Variants in RORA observed in about 807,000 individuals in gnomAD.
RORA encodes nuclear receptor ROR-alpha.
Under a neutral mutation model 69.5 loss-of-function variants are expected in RORA, and 7 were observed. The observed-to-expected ratio is 0.10, with a 90% CI of 0.06 to 0.19. The LOEUF (loss-of-function observed/expected upper bound fraction) is 0.19, where lower values mean the gene tolerates loss of function less well. RORA is among the 10% of genes least tolerant of loss of function. RORA has a pLI of 1.00. For missense variants in RORA, 457 were observed against 663.0 expected (o/e 0.69, Z 3.41); for synonymous variants, 261 against 240.8 (o/e 1.08, Z -0.78).
At chr15:60,950,011 G>C (rs1893034280) in intron 1 of RORA, among the ~76,000 whole-genome samples, 1 of 151,872 alleles carries the variant, frequency 6.6e-6, no homozygotes. Context: ...TTGAAATGAA[G>C]GAAAAAATGT....
chr15:60,704,311 G>A (rs1193042260), intron 1 of RORA, among the ~76,000 whole-genome samples: 1 of 152,248 alleles, frequency 6.6e-6, no homozygotes. Flanking sequence ...GTTGCAAGGA[G>A]AGAAGGGTGT....
At position 61,140,816 on chromosome 15, in the gene RORA, C is replaced by A. The variant is rs142639721; in HGVS notation, c.166+88237G>T. ...GGGGGAAAAGAAGAAACTATTGTAC[C>A]TTCATATTTGGAGAATATTTTTAGT... On this transcript the variant is annotated intron_variant, in intron 1 of 10. Transcript: ENST00000335670. Among the ~76,000 whole-genome samples the A allele has an allele frequency of 2.9e-3, 446 of 152,196 alleles. 2 individuals are homozygous for A. The highest frequency in any genetic ancestry group is 0.01 in the African/African-American group (416 of 41,520).
intron 1 of RORA, among the ~76,000 whole-genome samples, chr15:60,799,579 CA>C (rs2072548918): frequency 6.6e-6 from 1 of 151,848 alleles, no homozygotes; most frequent in South Asian, 2.1e-4. Context: ...TGCATTGGTC[CA>C]AAAACATTGC....
intron 1 of RORA, among the ~76,000 whole-genome samples, chr15:61,126,574 T>C (rs2079144043): frequency 6.6e-6 from 1 of 152,164 alleles, no homozygotes; most frequent in Admixed American, 6.5e-5. Flanking sequence ...AAGGAAACTA[T>C]CTATTTTCAA....
intron 1 of RORA, among the ~76,000 whole-genome samples, chr15:61,089,966 A>C (rs942158255): frequency 1.3e-5 from 2 of 152,240 alleles, no homozygotes; most frequent in African/African-American, 4.8e-5. Context: ...GCAACCTTTA[A>C]CTATAAGACC....
At chr15:60,863,269 C>T (rs571761386) in intron 1 of RORA, among the ~76,000 whole-genome samples, 3 of 152,312 alleles carry the variant, frequency 2.0e-5, no homozygotes, top group African/African-American at 7.2e-5. Flanking sequence ...AAAACAATCA[C>T]AATGCCTGTA....
chr15:60,502,944 G>C, intron 7 of RORA, 77 bp from the exon 8 acceptor site: 1 of 938,482 alleles, frequency 1.1e-6, no homozygotes, highest in Non-Finnish European at 1.8e-6. Context: ...TGCTCATGTA[G>C]AGACTCCTTC....
At chr15:60,854,376 C>T (rs1159574598) in intron 1 of RORA, among the ~76,000 whole-genome samples, 1 of 152,116 alleles carries the variant, frequency 6.6e-6, no homozygotes, top group Non-Finnish European at 1.5e-5. Context: ...GTAATATCAT[C>T]CATTATCCCT....
At chr15:60,689,091 CAACT>C (rs2070786491) in intron 1 of RORA, among the ~76,000 whole-genome samples, 1 of 152,178 alleles carries the variant, frequency 6.6e-6, no homozygotes, top group South Asian at 2.1e-4. Context: ...TTTCACCTAC[CAACT>C]AGTCGTTTCA....
chr15:60,581,768 A>G (rs1197624882), intron 2 of RORA, among the ~76,000 whole-genome samples: 3 of 152,238 alleles, frequency 2.0e-5, no homozygotes, highest in Admixed American at 1.3e-4. Flanking sequence ...TTTTGAATAA[A>G]TGTTTCAATG....
intron 8 of RORA, among the ~76,000 whole-genome samples, chr15:60,502,462 C>A (rs1310901861): frequency 1.3e-5 from 2 of 152,072 alleles, no homozygotes; most frequent in Non-Finnish European, 2.9e-5. Flanking sequence ...AATAATATAT[C>A]ACCAGCAAAT....
intron 1 of RORA, among the ~76,000 whole-genome samples, chr15:60,955,155 A>G (rs1050629328): frequency 1.3e-5 from 2 of 152,076 alleles, no homozygotes; most frequent in African/African-American, 4.8e-5. Context: ...TACGAAAATT[A>G]GCTGGGTGTG....
intron 1 of RORA, among the ~76,000 whole-genome samples, chr15:60,772,586 G>T (rs1199699864): frequency 1.3e-5 from 2 of 152,148 alleles, no homozygotes; most frequent in African/African-American, 4.8e-5. Context: ...ATCATCTCAT[G>T]CACCAGGGCT....
chr15:60,919,322 G>A (rs72752748), intron 1 of RORA, among the ~76,000 whole-genome samples: 4 of 152,302 alleles, frequency 2.6e-5, no homozygotes, highest in Non-Finnish European at 4.4e-5. Flanking sequence ...TTTAATAGAG[G>A]AGAAGCCCAG....
At chr15:60,628,232 G>A (rs545851042) in intron 2 of RORA, among the ~76,000 whole-genome samples, 1 of 152,312 alleles carries the variant, frequency 6.6e-6, no homozygotes, top group South Asian at 2.1e-4. Context: ...TCTGGTCTGT[G>A]ACAGTTTCTC....
intron 1 of RORA, among the ~76,000 whole-genome samples, chr15:61,091,525 C>T (rs1201169390): frequency 1.3e-5 from 2 of 152,210 alleles, no homozygotes; most frequent in East Asian, 1.9e-4. Flanking sequence ...GGGCAATCCT[C>T]AGCTGTGGGG....
At position 61,147,165 on chromosome 15, in the gene RORA, C is replaced by T. The variant is rs1215596437; in HGVS notation, c.166+81888G>A. Among the ~76,000 whole-genome samples, 1 of 152,102 alleles carries T rather than the reference C, an allele frequency of 6.6e-6. No homozygotes were observed. Among genetic ancestry groups the T allele is most frequent in the East Asian group, 1.9e-4 (1 of 5,182 alleles). ...GCCATTTTCGGGCTTATTTTATTCCCCAGAACCTTTGCATGCGTCAACCAC... is the reference window on the plus strand; with the variant it reads ...GCCATTTTCGGGCTTATTTTATTCCTCAGAACCTTTGCATGCGTCAACCAC... On this transcript the variant is annotated intron_variant, in intron 1 of 10. Transcript: ENST00000335670. The surrounding 1 kb of genome is among the most constrained non-coding windows in gnomAD (Gnocchi z 4.1).
At chr15:60,562,464 C>G (rs1453009156) in intron 2 of RORA, among the ~76,000 whole-genome samples, 1 of 148,754 alleles carries the variant, frequency 6.7e-6, no homozygotes, top group Non-Finnish European at 1.5e-5. Flanking sequence ...GAGACAGAGT[C>G]TTGCTCTGTC....
intron 1 of RORA, among the ~76,000 whole-genome samples, chr15:61,031,072 C>A (rs904008687): frequency 6.6e-6 from 1 of 152,106 alleles, no homozygotes; most frequent in Non-Finnish European, 1.5e-5. Context: ...CTGAACTAAA[C>A]TGAATTTATT....
Sources: gnomAD v4.1 joint callset for allele counts (sites outside exome capture counted in the v4.1 genomes callset) on GRCh38, gnomAD v4.1.1 for gene constraint, Gnocchi (gnomAD v3.1) non-coding constraint, MANE v1.5 for transcripts, NCBI Gene and HGNC (gene_info 2026-07-23, HGNC 2026-07-21) for gene names.